The following GAL3ST2 variants were observed in gnomAD, a reference collection of about 807,000 sequenced individuals.
GAL3ST2 encodes the protein galactose-3-O-sulfotransferase 2.
Under a neutral mutation model 12.9 loss-of-function variants are expected in GAL3ST2, and 16 were observed. That is an observed-to-expected ratio of 1.24 (90% CI 0.84 to 1.88). GAL3ST2 has a LOEUF of 1.88. Ranked by LOEUF, GAL3ST2 falls within the 40% of genes most tolerant of loss-of-function variation. GAL3ST2 has a pLI of 0.00. For missense variants in GAL3ST2, 639 were observed against 571.8 expected (o/e 1.12, Z -1.20); for synonymous variants, 302 against 273.9 (o/e 1.10, Z -1.01).
intron 1 of GAL3ST2, among the ~76,000 whole-genome samples, chr2:241,780,724 A>G (rs1455101611): frequency 6.6e-6 from 1 of 152,216 alleles, no homozygotes; most frequent in African/African-American, 2.4e-5. Flanking sequence ...AATCTCAGAT[A>G]AGACTTTTTT....
intron 1 of GAL3ST2, among the ~76,000 whole-genome samples, chr2:241,789,795 G>A (rs186061477): frequency 9.2e-4 from 140 of 152,168 alleles, no homozygotes; most frequent in Middle Eastern, 3.4e-3. Context: ...GGGAGGCAGA[G>A]GTTTCAGTGT....
intron 1 of GAL3ST2, among the ~76,000 whole-genome samples, chr2:241,798,564 A>G (rs1474097047): frequency 6.6e-6 from 1 of 151,706 alleles, no homozygotes; most frequent in Non-Finnish European, 1.5e-5. Context: ...TCCAACCCTA[A>G]CACCTCCCAG....
chr2:241,802,160 C>A lies in GAL3ST2; in HGVS notation c.375+124C>A. 5.2e-6 allele frequency: 3 copies of A among 577,968 alleles called. No individual in the cohort carries two copies. The highest frequency in any genetic ancestry group is 8.3e-6 in the Non-Finnish European group (3 of 363,384). 35.8% of individuals were successfully genotyped at this position (577,968 alleles called of 1,614,324 possible). A position where few individuals can be genotyped will look rare whatever the true frequency, so the allele number is the denominator to read the frequency against. The stretch of plus-strand genomic sequence containing the variant: ...GCTTGGGGGCGGGGCGTGCAGAAGG[C>A]GGGTTGGGAGGGCCTGGGCCGCACG... On this transcript the variant is annotated intron_variant, in intron 3 of 3. Coordinates refer to ENST00000192314, the MANE Select transcript of GAL3ST2 (RefSeq NM_022134.3). This position sits in a 1 kb window ranked among gnomAD's most constrained non-coding sequence, Gnocchi z 4.8.
Position 241,801,543 on chromosome 2 carries a change from A to C in GAL3ST2, c.120-238A>C. On this transcript the variant is annotated intron_variant, in intron 2 of 3. Transcript: ENST00000192314. The surrounding 1 kb of genome is among the most constrained non-coding windows in gnomAD (Gnocchi z 4.4). ...GTTCTCGGGGGCACAGGGTTGGGGG[A>C]GCATGGTTACGGGAGACAGTTGGGG... 1.7e-6 allele frequency: 1 copy of C among 577,404 alleles called. No individual in the cohort carries two copies. The highest frequency in any genetic ancestry group is 2.1e-5 in the South Asian group (1 of 47,186). The allele number at this position is 577,404 out of a possible 1,614,324, so 35.8% of individuals were successfully genotyped here.
At chr2:241,784,287 C>CG (rs1699602278) in intron 1 of GAL3ST2, among the ~76,000 whole-genome samples, 1 of 152,180 alleles carries the variant, frequency 6.6e-6, no homozygotes, top group African/African-American at 2.4e-5. Context: ...CCTGCCTCGG[C>CG]CTCCCAAAGT....
At chr2:241,777,373 G>A (rs1699501376) in intron 1 of GAL3ST2, among the ~76,000 whole-genome samples, 1 of 152,156 alleles carries the variant, frequency 6.6e-6, no homozygotes, top group Non-Finnish European at 1.5e-5. Context: ...GGAGTGCCAG[G>A]CGCTTGCTGG....
intron 2 of GAL3ST2, among the ~76,000 whole-genome samples, chr2:241,799,963 T>G (rs1206232922): frequency 2.6e-5 from 4 of 152,148 alleles, no homozygotes; most frequent in Non-Finnish European, 5.9e-5. Context: ...GGTCTCGGCT[T>G]TGGGGTCCTT....
At chr2:241,797,666 T>C (rs2125195547) in intron 1 of GAL3ST2, among the ~76,000 whole-genome samples, 1 of 150,752 alleles carries the variant, frequency 6.6e-6, no homozygotes, top group South Asian at 2.1e-4. Context: ...AGCGCAGGAA[T>C]GGTCGTGTGA....
In GAL3ST2 at chr2:241,803,812, C is replaced by T; in HGVS notation, c.843C>T (p.Arg281=). ...RARSWCALDW[R]LYEHFNRTLW... ...GGAGCTGGTGCGCGCTGGACTGGCGCCTGTACGAGCATTTCAACCGCACCC... is the reference window on the plus strand; with the variant it reads ...GGAGCTGGTGCGCGCTGGACTGGCGTCTGTACGAGCATTTCAACCGCACCC... The change falls in exon 4 of 4, where the codon CGC becomes CGT. Residue 281 remains arginine, a synonymous_variant. Coordinates refer to ENST00000192314, the MANE Select transcript of GAL3ST2 (RefSeq NM_022134.3). 1 of 1,495,012 alleles carries T rather than the reference C, an allele frequency of 6.7e-7. No individual in the cohort carries two copies. Among genetic ancestry groups the T allele is most frequent in the Non-Finnish European group, 8.8e-7 (1 of 1,130,504 alleles). 92.6% of individuals were successfully genotyped at this position (1,495,012 alleles called of 1,614,324 possible). A position where few individuals can be genotyped will look rare whatever the true frequency, so the allele number is the denominator to read the frequency against.
rs769733237 is a variant in GAL3ST2, at chr2:241,777,007, C to T, written c.29+23C>T. 87 of 1,494,336 alleles carry T rather than the reference C, an allele frequency of 5.8e-5. No individual in the cohort carries two copies. In the East Asian group the frequency reaches 8.6e-4, roughly 15 times the overall value. 92.6% of individuals were successfully genotyped at this position (1,494,336 alleles called of 1,614,324 possible). Reference sequence around the variant, plus strand: ...GAGGTAAGGGGGGCAGTTGGACCCCCCAGGTGGACAAAGCGCTTCATCTGT... The same window carrying T: ...GAGGTAAGGGGGGCAGTTGGACCCCTCAGGTGGACAAAGCGCTTCATCTGT... On this transcript the variant is annotated intron_variant, in intron 1 of 3. Coordinates refer to ENST00000192314, the MANE Select transcript of GAL3ST2 (RefSeq NM_022134.3).
intron 2 of GAL3ST2, 95 bp downstream of exon 2, chr2:241,799,249 G>A (rs1699814700): frequency 2.8e-6 from 3 of 1,081,536 alleles, no homozygotes; most frequent in East Asian, 2.4e-5. Context: ...GCCCCCCACT[G>A]GGCCTGTCTC....
In GAL3ST2 at chr2:241,801,224, G is replaced by C. The variant is rs1255888107; in HGVS notation, c.120-557G>C. ...GAGAACATGCGGTGTTTGGTTTTCT[G>C]TTCCTTTGTTAGTCTGCTGAGGATG... On this transcript the variant is annotated intron_variant, in intron 2 of 3. Transcript: ENST00000192314. This position sits in a 1 kb window ranked among gnomAD's most constrained non-coding sequence, Gnocchi z 4.4. The C allele has an allele frequency of 6.5e-6, 1 of 153,996 alleles. No individual in the cohort carries two copies. The highest frequency in any genetic ancestry group is 1.4e-5 in the Non-Finnish European group (1 of 69,400). The allele number at this position is 153,996 out of a possible 1,614,324, so 9.5% of individuals were successfully genotyped here.
chr2:241,777,609 G>A (rs951607637), intron 1 of GAL3ST2, among the ~76,000 whole-genome samples: 1 of 152,112 alleles, frequency 6.6e-6, no homozygotes, highest in Non-Finnish European at 1.5e-5. Context: ...CCGTCCCTGC[G>A]CTGGCAGGTC....
rs756214263 is a variant in GAL3ST2, at chr2:241,799,133, C to T, written c.98C>T (p.Ser33Leu). The T allele has an allele frequency of 3.2e-5, 51 of 1,613,738 alleles. No homozygotes were observed. In the Middle Eastern group the frequency reaches 8.2e-4, roughly 26 times the overall value. Residue 33 changes from serine (S) to leucine (L), a missense_variant, in exon 2 of 4, where the codon TCG (serine) becomes TTG (leucine). Transcript: ENST00000192314. ...TLLLLAGFLHSDLELDTPLFG... is the reference protein window; with the variant it reads ...TLLLLAGFLHLDLELDTPLFG... ...CTCCTGCTGGCCGGATTCCTGCACT[C>T]GGACTTAGAGCTGGACACACCGTAA...
In GAL3ST2 at chr2:241,779,642, G is replaced by A. The variant is rs369895643; in HGVS notation, c.29+2658G>A. ...AAGAAAAGAGCAATCCTGGAAAATC[G>A]ATACAGGCCACACTACTCTGAAGTC... On this transcript the variant is annotated intron_variant, in intron 1 of 3. Transcript: ENST00000192314. 4.0e-4 allele frequency among the ~76,000 whole-genome samples: 61 copies of A among 151,980 alleles called. 2 individuals carry two copies. Among genetic ancestry groups the A allele is most frequent in the African/African-American group, 1.4e-3 (58 of 41,482 alleles).
At chr2:241,785,784 T>C (rs1382597299) in intron 1 of GAL3ST2, among the ~76,000 whole-genome samples, 1 of 151,586 alleles carries the variant, frequency 6.6e-6, no homozygotes, top group Admixed American at 6.6e-5. Context: ...AAACTTTTGC[T>C]CAAAAAAAGG....
rs1315101446 is a variant in GAL3ST2 at position 241,793,656 on chromosome 2, ATATG to A, written c.30-5407_30-5404del. On this transcript the variant is annotated intron_variant, in intron 1 of 3. Coordinates refer to ENST00000192314, the MANE Select transcript of GAL3ST2 (RefSeq NM_022134.3). This position sits in a 1 kb window ranked among gnomAD's most constrained non-coding sequence, Gnocchi z 4.7. The stretch of plus-strand genomic sequence containing the variant: ...GTTTGTGTGTACATATTGTGTATGC[ATATG>A]TGTGTGTATGCACATATTGTGTATG... Among the ~76,000 whole-genome samples, 9 of 148,576 alleles carry A rather than the reference ATATG, an allele frequency of 6.1e-5. No individual in the cohort carries two copies. Among genetic ancestry groups the A allele is most frequent in the African/African-American group, 1.5e-4 (6 of 39,438 alleles).
At chr2:241,794,864 C>T (rs1007324894) in intron 1 of GAL3ST2, among the ~76,000 whole-genome samples, 5 of 152,218 alleles carry the variant, frequency 3.3e-5, no homozygotes, top group Admixed American at 6.5e-5. Flanking sequence ...TTTCCCTCCA[C>T]AATCGTCAGC....
At position 241,803,817 on chromosome 2, in the gene GAL3ST2, A is replaced by G. The variant is rs1322862854; in HGVS notation, c.848A>G (p.Tyr283Cys). 3 of 1,493,516 alleles carry G rather than the reference A, an allele frequency of 2.0e-6. No homozygotes were observed. The highest frequency in any genetic ancestry group is 2.8e-5 in the East Asian group (1 of 35,486). 92.5% of individuals were successfully genotyped at this position (1,493,516 alleles called of 1,614,324 possible). A position where few individuals can be genotyped will look rare whatever the true frequency, so the allele number is the denominator to read the frequency against. The change falls in exon 4 of 4, where the codon TAC becomes TGC. Residue 283 changes from tyrosine (Y) to cysteine (C), a missense_variant. Tyr to Cys is a radical substitution (Grantham distance 194). Coordinates refer to ENST00000192314, the MANE Select transcript of GAL3ST2 (RefSeq NM_022134.3). The part of the protein sequence containing the change: ...RSWCALDWRL[Y>C]EHFNRTLWAQ... Reference sequence around the variant, plus strand: ...TGGTGCGCGCTGGACTGGCGCCTGTACGAGCATTTCAACCGCACCCTCTGG... The same window carrying G: ...TGGTGCGCGCTGGACTGGCGCCTGTGCGAGCATTTCAACCGCACCCTCTGG...
Sources: gnomAD v4.1 joint callset for allele counts (sites outside exome capture counted in the v4.1 genomes callset) on GRCh38, gnomAD v4.1.1 for gene constraint, Gnocchi (gnomAD v3.1) non-coding constraint, MANE v1.5 for transcripts, NCBI Gene and HGNC (gene_info 2026-07-23, HGNC 2026-07-21) for gene names.